Variants in MANBA observed in about 807,000 individuals in gnomAD.
MANBA encodes the protein beta-mannosidase.
A neutral mutation model predicts 111.1 loss-of-function variants in MANBA; 83 were observed. That is an observed-to-expected ratio of 0.75 (90% CI 0.63 to 0.90). MANBA has a LOEUF of 0.90. Ranked by LOEUF, MANBA falls within the 40% of genes least tolerant of loss-of-function variation. The probability of loss-of-function intolerance (pLI) is 0.00; values close to 1 mark genes in which losing one functional copy is unlikely to be tolerated. For missense variants in MANBA, 1,036 were observed against 1,069.0 expected, an observed-to-expected ratio of 0.97 and a Z score of 0.43; for synonymous variants, 370 against 378.7, an observed-to-expected ratio of 0.98 and a Z score of 0.27.
At chr4:102,751,529 C>T (rs751725972) in intron 1 of MANBA, 10 of 531,592 alleles carry the variant, frequency 1.9e-5, no homozygotes, top group Non-Finnish European at 2.7e-5. Flanking sequence ...TACTAAAGGA[C>T]AAAAATGAGT....
intron 1 of MANBA, among the ~76,000 whole-genome samples, chr4:102,733,066 A>T (rs1306881758): frequency 6.6e-6 from 1 of 152,214 alleles, no homozygotes; most frequent in Non-Finnish European, 1.5e-5. Context: ...AACATAATTT[A>T]TAGGTTAAAA....
At chr4:102,689,465 G>T (rs1008628156) in intron 7 of MANBA, 109 bp downstream of exon 7, 2 of 682,800 alleles carry the variant, frequency 2.9e-6, no homozygotes, top group Non-Finnish European at 5.0e-6. Context: ...TCTCTGATGG[G>T]TGGGGACACA....
intron 7 of MANBA, among the ~76,000 whole-genome samples, chr4:102,685,602 G>A (rs888098616): frequency 6.6e-6 from 1 of 151,866 alleles, no homozygotes; most frequent in Admixed American, 6.6e-5. Context: ...CTACCTCCCT[G>A]CTTTCTAACT....
rs571416413 is a variant in MANBA, at chr4:102,650,506, C to G, written c.1869+31G>C. On this transcript the variant is annotated intron_variant, in intron 13 of 16. Transcript: ENST00000647097. ...TAATCTCTTACATTAATTGCAGGAACCTGTTCAATTCTAGAATGAAAACAA... is the reference window on the plus strand; with the variant it reads ...TAATCTCTTACATTAATTGCAGGAAGCTGTTCAATTCTAGAATGAAAACAA... 1.5e-5 allele frequency: 23 copies of G among 1,576,242 alleles called. No homozygotes were observed. The Admixed American group carries it at 1.8e-4, about 13-fold the overall frequency.
chr4:102,658,751 A>G (rs1730703778), intron 11 of MANBA: 1 of 152,182 alleles, frequency 6.6e-6, no homozygotes, highest in Admixed American at 6.5e-5. Flanking sequence ...TGCAGCTGGA[A>G]TAAGGTGTCT....
At chr4:102,728,992 C>A (rs1360156942) in intron 1 of MANBA, 19 of 946,716 alleles carry the variant, frequency 2.0e-5, no homozygotes, top group Non-Finnish European at 3.1e-5. Flanking sequence ...CGCCCTCCAG[C>A]AGCTTCCTGT....
chr4:102,670,327 G>A (rs1192193458), intron 9 of MANBA, among the ~76,000 whole-genome samples: 1 of 151,994 alleles, frequency 6.6e-6, no homozygotes, highest in African/African-American at 2.4e-5. Flanking sequence ...TCATTGAATG[G>A]GCATGAAGAT....
At chr4:102,679,501 T>A (rs978701716) in intron 7 of MANBA, 3 of 152,060 alleles carry the variant, frequency 2.0e-5, no homozygotes, top group South Asian at 2.1e-4. Context: ...GTTAATAGAT[T>A]CAAGTTTTGA....
intron 1 of MANBA, among the ~76,000 whole-genome samples, chr4:102,759,137 C>CT (rs36126232): frequency 0.41 from 57,280 of 138,134 alleles, 11,868 homozygotes; most frequent in African/African-American, 0.49. Context: ...TTCTTTCTTT[C>CT]TTTTTTTTTT....
In MANBA at chr4:102,714,450, A is replaced by G; in HGVS notation, c.661T>C (p.Ser221Pro). 1 of 1,605,134 alleles carries G rather than the reference A, an allele frequency of 6.2e-7. No individual in the cohort carries two copies. Residue 221 changes from serine to proline, a missense_variant, in exon 5 of 17, where the codon TCC becomes CCC. Transcript: ENST00000647097. ...TCTTTCAGCTTACCATATATTGGGG[A>G]AAATGTGAAGTAGTTCAGGTGACAA... Reference protein sequence around the residue: ...NICHLNYFTFSPIYDKSAQEW... With the variant: ...NICHLNYFTFPPIYDKSAQEW...
At chr4:102,674,596 C>G (rs964421637) in intron 7 of MANBA, among the ~76,000 whole-genome samples, 1 of 152,120 alleles carries the variant, frequency 6.6e-6, no homozygotes, top group Admixed American at 6.5e-5. Context: ...TGTTTGAGCA[C>G]GCTCTGGTTT....
At chr4:102,695,966 G>A (rs1732689389) in intron 5 of MANBA, among the ~76,000 whole-genome samples, 1 of 152,082 alleles carries the variant, frequency 6.6e-6, no homozygotes, top group Non-Finnish European at 1.5e-5. Context: ...AGTGGCTCGT[G>A]CCTATAGTCC....
At chr4:102,668,795 G>A in intron 10 of MANBA, 168 bp downstream of exon 10, 1 of 629,656 alleles carries the variant, frequency 1.6e-6, no homozygotes, top group Admixed American at 2.3e-5. Context: ...ATAGATGATG[G>A]TAAAGCCATG....
At chr4:102,740,725 G>C (rs1458858718) in intron 1 of MANBA, among the ~76,000 whole-genome samples, 2 of 151,950 alleles carry the variant, frequency 1.3e-5, no homozygotes, top group East Asian at 1.9e-4. Flanking sequence ...AATGATGCTG[G>C]GATAATTGGC....
chr4:102,688,515 G>C (rs1400879083), intron 7 of MANBA, among the ~76,000 whole-genome samples: 1 of 152,068 alleles, frequency 6.6e-6, no homozygotes, highest in African/African-American at 2.4e-5. Flanking sequence ...ATGTTGTCTG[G>C]CCCACAGGAG....
intron 5 of MANBA, among the ~76,000 whole-genome samples, chr4:102,706,200 C>G (rs1003881834): frequency 2.0e-5 from 3 of 152,134 alleles, no homozygotes; most frequent in African/African-American, 7.2e-5. Context: ...GCACTGAAGC[C>G]CAAGGACAGG....
chr4:102,750,961 G>A (rs1363347997), intron 1 of MANBA, among the ~76,000 whole-genome samples: 1 of 152,124 alleles, frequency 6.6e-6, no homozygotes, highest in Admixed American at 6.6e-5. Context: ...GGATGGCATA[G>A]TGGATAGAGA....
At chr4:102,716,483 A>G (rs1044183360) in intron 4 of MANBA, among the ~76,000 whole-genome samples, 16 of 152,252 alleles carry the variant, frequency 1.1e-4, no homozygotes, top group Admixed American at 4.6e-4. Flanking sequence ...AGCCCCTGAA[A>G]CAGGTGGCCA....
intron 1 of MANBA, among the ~76,000 whole-genome samples, chr4:102,735,425 T>C (rs985637647): frequency 1.4e-5 from 2 of 143,366 alleles, no homozygotes; most frequent in African/African-American, 5.2e-5. Context: ...AGAGAGTTCC[T>C]GGGGGAAATG....
Sources: gnomAD v4.1 joint callset for allele counts (sites outside exome capture counted in the v4.1 genomes callset) on GRCh38, gnomAD v4.1.1 for gene constraint, MANE v1.5 for transcripts, NCBI Gene and HGNC (gene_info 2026-07-23, HGNC 2026-07-21) for gene names.